The following CYP4F22 variants were observed in gnomAD, a reference collection of about 807,000 sequenced individuals.
The protein encoded by CYP4F22 is cytochrome P450 family 4 subfamily F member 22, also known as ultra-long-chain fatty acid omega-hydroxylase.
A neutral mutation model predicts 60.4 loss-of-function variants in CYP4F22; 37 were observed. The observed-to-expected ratio is 0.61, with a 90% CI of 0.47 to 0.81. The LOEUF (loss-of-function observed/expected upper bound fraction) is 0.81. Ranked by LOEUF, CYP4F22 falls within the 30% of genes least tolerant of loss-of-function variation. The pLI, the probability that CYP4F22 is intolerant of heterozygous loss-of-function variation, is 0.00. For synonymous variants in CYP4F22, 258 were observed against 280.5 expected, an observed-to-expected ratio of 0.92 and a Z score of 0.80; for missense variants, 655 against 715.0, an observed-to-expected ratio of 0.92 and a Z score of 0.96.
chr19:15,550,941 T>A (rs1341836938), intron 13 of CYP4F22, among the ~76,000 whole-genome samples, 185 bp downstream of exon 13: 1 of 152,242 alleles, frequency 6.6e-6, no homozygotes, highest in Admixed American at 6.5e-5. Flanking sequence ...ATCCTGGGTA[T>A]TGAGCACCAA....
At chr19:15,518,663 A>G (rs1049357054) in intron 1 of CYP4F22, among the ~76,000 whole-genome samples, 10 of 149,048 alleles carry the variant, frequency 6.7e-5, no homozygotes, top group African/African-American at 2.2e-4. Context: ...AAAAAAAAAA[A>G]AAAAAAGAAA....
chr19:15,548,394 A>G (rs1013059281), intron 11 of CYP4F22, among the ~76,000 whole-genome samples, 153 bp downstream of exon 11: 1 of 152,056 alleles, frequency 6.6e-6, no homozygotes, highest in African/African-American at 2.4e-5. Context: ...GGTGTTGGAG[A>G]AAACCCAGTT....
At chr19:15,538,762 ATAAT>A (rs1971427618) in intron 7 of CYP4F22, among the ~76,000 whole-genome samples, 2 of 152,236 alleles carry the variant, frequency 1.3e-5, no homozygotes, top group Non-Finnish European at 2.9e-5. Context: ...TAGAAATTAA[ATAAT>A]TAATTCATCC....
chr19:15,546,728 TTTTC>T (rs1971530287), intron 10 of CYP4F22, among the ~76,000 whole-genome samples: 1 of 152,156 alleles, frequency 6.6e-6, no homozygotes, highest in Non-Finnish European at 1.5e-5. Flanking sequence ...TGCACTTTTC[TTTTC>T]TTTCTTTTTT....
intron 8 of CYP4F22, 28 bp from the exon 9 acceptor site, chr19:15,543,943 G>A (rs1971492456): frequency 6.2e-7 from 1 of 1,613,558 alleles, no homozygotes; most frequent in African/African-American, 1.3e-5. Context: ...GATGAAGTGG[G>A]CTGAGCACCC....
chr19:15,513,820 T>C (rs1384434296), intron 1 of CYP4F22, among the ~76,000 whole-genome samples: 25 of 152,186 alleles, frequency 1.6e-4, no homozygotes, highest in Admixed American at 1.6e-3. Context: ...CACACTTCTG[T>C]GTATAGTAAC....
At chr19:15,521,468 G>A (rs1971224479) in intron 1 of CYP4F22, among the ~76,000 whole-genome samples, 3 of 151,730 alleles carry the variant, frequency 2.0e-5, no homozygotes, top group Admixed American at 1.3e-4. Flanking sequence ...CTTGACCTCA[G>A]GTGAGCTGCC....
chr19:15,536,125 G>A (rs894599861), intron 4 of CYP4F22, among the ~76,000 whole-genome samples: 3 of 152,054 alleles, frequency 2.0e-5, no homozygotes, highest in Non-Finnish European at 4.4e-5. Context: ...GATCACTTGA[G>A]CTCAGGAGTT....
At position 15,537,963 on chromosome 19, in the gene CYP4F22, G is replaced by A. The variant is rs1387632338; in HGVS notation, c.641G>A (p.Cys214Tyr). The change falls in exon 7 of 14, where the codon TGT (cysteine) becomes TAT (tyrosine). Residue 214 changes from cysteine (C) to tyrosine (Y), a missense_variant. By Grantham distance (194) the Cys-to-Tyr change is radical. Coordinates refer to ENST00000269703, the MANE Select transcript of CYP4F22 (RefSeq NM_173483.4). ...ATGACCCTGGACAGTCTTCAGAAAT[G>A]TGTCTTCAGCTACAACAGCAACTGC... ...SLMTLDSLQK[C>Y]VFSYNSNCQE... 6.2e-7 allele frequency: 1 copy of A among 1,614,036 alleles called. No individual in the cohort carries two copies. The highest frequency in any genetic ancestry group is 8.5e-7 in the Non-Finnish European group (1 of 1,180,046).
rs1971600720 is a variant in CYP4F22, at chr19:15,551,718, G to C, written c.*247G>C. Reference sequence around the variant, plus strand: ...TCCCGCCCCCTGACTTCTCGCACCTGTCCTGTTTGAGGGACCAGGGTCGAC... The same window carrying C: ...TCCCGCCCCCTGACTTCTCGCACCTCTCCTGTTTGAGGGACCAGGGTCGAC... On this transcript the variant is annotated 3_prime_UTR_variant, in exon 14 of 14. Coordinates refer to ENST00000269703, the MANE Select transcript of CYP4F22 (RefSeq NM_173483.4). 1 of 594,432 alleles carries C rather than the reference G, an allele frequency of 1.7e-6. No homozygotes were observed. The highest frequency in any genetic ancestry group is 3.0e-5 in the Admixed American group (1 of 33,312). 36.8% of individuals were successfully genotyped at this position (594,432 alleles called of 1,614,324 possible). A position where few individuals can be genotyped will look rare whatever the true frequency, so the allele number is the denominator to read the frequency against.
chr19:15,510,945 C>CATATATATATATATATATATATATAT (rs1183507990), intron 1 of CYP4F22, among the ~76,000 whole-genome samples: 1 of 111,596 alleles, frequency 9.0e-6, no homozygotes, highest in African/African-American at 3.6e-5. Context: ...ATAGGGATAC[C>CATATATATATATATATATATATATAT]ATATATATAT....
In CYP4F22 at chr19:15,531,002, G is replaced by A. The variant is rs548516509; in HGVS notation, c.367+1149G>A. 1.3e-4 allele frequency among the ~76,000 whole-genome samples: 20 copies of A among 152,232 alleles called. No homozygotes were observed. The South Asian group carries it at 4.1e-3, about 32-fold the overall frequency. ...CACATCTGTAATCCCAACACTTTGG[G>A]AAGCTGAGGCAGGAGGGTTGCTTGA... On this transcript the variant is annotated intron_variant, in intron 4 of 13. Transcript: ENST00000269703.
chr19:15,526,918 A>G (rs760074410), intron 3 of CYP4F22, among the ~76,000 whole-genome samples: 5 of 151,830 alleles, frequency 3.3e-5, no homozygotes, highest in African/African-American at 4.8e-5. Context: ...ACGCCTGGCT[A>G]ATTTTTGTAC....
At chr19:15,541,873 A>G (rs1256378070) in intron 8 of CYP4F22, among the ~76,000 whole-genome samples, 1 of 151,818 alleles carries the variant, frequency 6.6e-6, no homozygotes, top group Non-Finnish European at 1.5e-5. Flanking sequence ...CTCAAAAAAA[A>G]AAAAAAAAAA....
At chr19:15,519,237 C>A (rs971710070) in intron 1 of CYP4F22, among the ~76,000 whole-genome samples, 2 of 151,236 alleles carry the variant, frequency 1.3e-5, no homozygotes, top group Admixed American at 1.3e-4. Flanking sequence ...TGAAGAAAGA[C>A]GGGCTCAAAG....
chr19:15,543,933 G>A (rs1971492154), intron 8 of CYP4F22, 38 bp from the exon 9 acceptor site: 1 of 1,612,020 alleles, frequency 6.2e-7, no homozygotes, highest in Non-Finnish European at 8.5e-7. Context: ...CGGAGGGTGG[G>A]ATGAAGTGGG....
intron 1 of CYP4F22, among the ~76,000 whole-genome samples, chr19:15,517,816 C>A (rs771251019): frequency 2.0e-5 from 3 of 152,014 alleles, no homozygotes; most frequent in African/African-American, 4.8e-5. Flanking sequence ...ACCATCAGGG[C>A]AGAGCTGGGG....
At chr19:15,530,262 C>G (rs1368480297) in intron 4 of CYP4F22, among the ~76,000 whole-genome samples, 1 of 152,164 alleles carries the variant, frequency 6.6e-6, no homozygotes, top group Non-Finnish European at 1.5e-5. Flanking sequence ...CTCTGACTGG[C>G]AGGGAGGGAG....
chr19:15,547,084 T>C (rs901016066), intron 10 of CYP4F22, among the ~76,000 whole-genome samples: 4 of 141,056 alleles, frequency 2.8e-5, no homozygotes, highest in African/African-American at 8.1e-5. Context: ...AGTGTAGTGG[T>C]GCAATCTCAT....
Sources: allele counts gnomAD v4.1 joint callset (sites outside exome capture counted in the v4.1 genomes callset), GRCh38; gene constraint gnomAD v4.1.1; transcripts MANE v1.5; gene names NCBI Gene and HGNC (gene_info 2026-07-23, HGNC 2026-07-21).